SEC31A: variants seen among roughly 807,000 people sequenced by gnomAD.
SEC31A encodes the protein protein transport protein Sec31A.
A neutral mutation model predicts 151.0 loss-of-function variants in SEC31A; 70 were observed. The ratio of observed to expected loss-of-function variants is 0.46; its 90% CI spans 0.38 to 0.57. The LOEUF (loss-of-function observed/expected upper bound fraction) is 0.57. SEC31A is among the 20% of genes least tolerant of loss of function. SEC31A has a pLI of 0.00. For missense variants in SEC31A, 1,330 were observed against 1,471.2 expected, an observed-to-expected ratio of 0.90 and a Z score of 1.57; for synonymous variants, 475 against 505.9, an observed-to-expected ratio of 0.94 and a Z score of 0.82.
chr4:82,891,514 A>G (rs1719759008), upstream of SEC31A, among the ~76,000 whole-genome samples: 2 of 152,218 alleles, frequency 1.3e-5, no homozygotes, highest in South Asian at 4.1e-4. Context: ...ACGTAGCACT[A>G]GTCCTGTGAG....
intron 21 of SEC31A, among the ~76,000 whole-genome samples, chr4:82,843,134 T>C (rs1343597339): frequency 6.6e-6 from 1 of 151,830 alleles, no homozygotes; most frequent in Non-Finnish European, 1.5e-5. Flanking sequence ...TGTGGGTTTT[T>C]TTTTTTTTTT....
intron 4 of SEC31A, among the ~76,000 whole-genome samples, chr4:82,878,187 A>C (rs751238174): frequency 6.6e-6 from 1 of 152,158 alleles, no homozygotes; most frequent in Non-Finnish European, 1.5e-5. Flanking sequence ...AAATGGCGTG[A>C]CATCTTCAGA....
chr4:82,864,938 G>A (rs2149518463), intron 10 of SEC31A, among the ~76,000 whole-genome samples: 1 of 152,122 alleles, frequency 6.6e-6, no homozygotes, highest in South Asian at 2.1e-4. Context: ...ACCATGCCTG[G>A]CTAACTTTTG....
chr4:82,881,460 A>C (rs7694918), intron 2 of SEC31A, among the ~76,000 whole-genome samples: 1 of 151,118 alleles, frequency 6.6e-6, no homozygotes, highest in African/African-American at 2.4e-5. Context: ...GCAAGACTCC[A>C]TCTCAAAAAA....
chr4:82,846,032 TCTCA>T (rs1300108646), intron 20 of SEC31A, among the ~76,000 whole-genome samples: 2 of 151,902 alleles, frequency 1.3e-5, no homozygotes, highest in African/African-American at 4.8e-5. Flanking sequence ...CGGAGTGGAG[TCTCA>T]CTCTGTCGCT....
chr4:82,846,885 T>C (rs1158852134), intron 20 of SEC31A, among the ~76,000 whole-genome samples: 1 of 152,144 alleles, frequency 6.6e-6, no homozygotes, highest in Non-Finnish European at 1.5e-5. Context: ...AGCTAATTTT[T>C]TGTATTTTTA....
chr4:82,881,864 C>T lies in SEC31A; in HGVS notation c.73G>A (p.Ala25Thr). 1 of 1,611,704 alleles carries T rather than the reference C, an allele frequency of 6.2e-7. No individual in the cohort carries two copies. The highest frequency in any genetic ancestry group is 1.7e-5 in the Admixed American group (1 of 60,032). Residue 25 changes from alanine (A) to threonine (T), a missense_variant, in exon 2 of 27, where the codon GCA (alanine) becomes ACA (threonine). Transcript: ENST00000395310. Reference protein sequence around the residue: ...SPAQNHPIYLATGTSAQQLDA... With the variant: ...SPAQNHPIYLTTGTSAQQLDA... ...TTCTCTCCTTTGAACTTACCTGTTG[C>T]TAGGTAAATGGGGTGATTCTGGGCA...
chr4:82,832,315 C>T (rs1368275079), intron 22 of SEC31A, among the ~76,000 whole-genome samples: 1 of 152,116 alleles, frequency 6.6e-6, no homozygotes, highest in East Asian at 1.9e-4. Context: ...GGAAAAGATT[C>T]CCTATTTAAT....
chr4:82,856,825 A>G (rs1732795642), intron 16 of SEC31A, 127 bp downstream of exon 16: 1 of 779,672 alleles, frequency 1.3e-6, no homozygotes, highest in Non-Finnish European at 2.0e-6. Flanking sequence ...TTTCCAGGTC[A>G]AGGAATTATG....
chr4:82,828,942 T>G (rs571323694), intron 23 of SEC31A, 58 bp downstream of exon 23: 2 of 1,333,630 alleles, frequency 1.5e-6, no homozygotes, highest in East Asian at 2.3e-5. Flanking sequence ...GTGTTCCAAG[T>G]GGCTACGTGG....
chr4:82,877,580 A>C (rs565786084), intron 4 of SEC31A: 23 of 152,298 alleles, frequency 1.5e-4, no homozygotes, highest in Admixed American at 1.3e-3. Context: ...GGGTTTCACC[A>C]TCCTGTTCAG....
intron 25 of SEC31A, 65 bp from the exon 26 acceptor site, chr4:82,821,173 T>C: frequency 8.1e-7 from 1 of 1,239,284 alleles, no homozygotes; most frequent in Non-Finnish European, 1.2e-6. Flanking sequence ...ACTTGCCCTA[T>C]CTCATTGCAC....
intron 20 of SEC31A, among the ~76,000 whole-genome samples, chr4:82,844,822 C>G (rs1377801286): frequency 1.3e-5 from 2 of 152,166 alleles, no homozygotes; most frequent in Non-Finnish European, 2.9e-5. Context: ...ATCCACTACT[C>G]CACTCTGTAA....
At chr4:82,840,656 T>C (rs1332444278) in intron 22 of SEC31A, among the ~76,000 whole-genome samples, 1 of 152,204 alleles carries the variant, frequency 6.6e-6, no homozygotes, top group Non-Finnish European at 1.5e-5. Context: ...CAAACCCAGA[T>C]GGTATAGCCC....
upstream of SEC31A, among the ~76,000 whole-genome samples, chr4:82,896,076 G>GT (rs1473494385): frequency 5.3e-5 from 8 of 152,308 alleles, no homozygotes; most frequent in African/African-American, 1.7e-4. Context: ...TATGTCAAGT[G>GT]TATCACTGTA....
At chr4:82,842,745 C>T in intron 21 of SEC31A, 1 of 340,766 alleles carries the variant, frequency 2.9e-6, no homozygotes, top group Non-Finnish European at 5.4e-6. Flanking sequence ...CCAAGAACTG[C>T]AAGACTGACC....
At chr4:82,844,156 G>T in intron 21 of SEC31A, 1 of 400,762 alleles carries the variant, frequency 2.5e-6, no homozygotes. Flanking sequence ...AGTAATGGCT[G>T]AGGAACAGGA....
At chr4:82,852,886 G>T (rs1731761144) in intron 18 of SEC31A, among the ~76,000 whole-genome samples, 1 of 152,136 alleles carries the variant, frequency 6.6e-6, no homozygotes, top group Non-Finnish European at 1.5e-5. Context: ...GGATAAAACT[G>T]TTCCACCTGG....
rs1183397869 is a variant in SEC31A at position 82,842,415 on chromosome 4, G to A, written c.2693C>T (p.Pro898Leu). The change falls in exon 22 of 27, where the codon CCT becomes CTT. Residue 898 changes from proline (P) to leucine (L), a missense_variant. Coordinates refer to ENST00000395310, the MANE Select transcript of SEC31A (RefSeq NM_001077207.4). ...GGSAMYRPQQ[P>L]VAPPTSNAYP... ...AGCGTTTGAAGTAGGAGGAGCAACA[G>A]GCTGCTGAGGTCGATACATTGCTGA... 5 of 1,613,926 alleles carry A rather than the reference G, an allele frequency of 3.1e-6. No homozygotes were observed. The highest frequency in any genetic ancestry group is 4.2e-6 in the Non-Finnish European group (5 of 1,179,998).
Sources: allele counts gnomAD v4.1 joint callset (sites outside exome capture counted in the v4.1 genomes callset), GRCh38; gene constraint gnomAD v4.1.1; transcripts MANE v1.5; gene names NCBI Gene and HGNC (gene_info 2026-07-23, HGNC 2026-07-21).